LDLRAD3: variants seen among roughly 807,000 people sequenced by gnomAD.
LDLRAD3 encodes low density lipoprotein receptor class A domain containing 3, also known as low-density lipoprotein receptor class A domain-containing protein 3.
In LDLRAD3, 20 loss-of-function variants were observed where a neutral mutation model predicts 29.4. The observed-to-expected ratio is 0.68, with a 90% CI of 0.48 to 0.99. The LOEUF is 0.99. Among genes scored for constraint, LDLRAD3 ranks in the 50% least tolerant of loss-of-function variants. LDLRAD3 has a pLI of 0.00. For missense variants in LDLRAD3, 420 were observed against 454.3 expected, an observed-to-expected ratio of 0.92 and a Z score of 0.69; for synonymous variants, 157 against 192.7, an observed-to-expected ratio of 0.81 and a Z score of 1.53.
At position 35,944,839 on chromosome 11, in the gene LDLRAD3, G is replaced by T. The variant is rs895812104; in HGVS notation, c.46+695G>T. ...GCGAGGGGCCCTGGGAGAGGACACG[G>T]GGCTTCATCCGGCGGCCCTTTGAAC... On this transcript the variant is annotated intron_variant, in intron 1 of 5. Coordinates refer to ENST00000315571, the MANE Select transcript of LDLRAD3 (RefSeq NM_174902.4). This position sits in a 1 kb window ranked among gnomAD's most constrained non-coding sequence, Gnocchi z 4.9. Among the ~76,000 whole-genome samples the T allele has an allele frequency of 6.6e-6, 1 of 152,260 alleles. No individual in the cohort carries two copies. The highest frequency in any genetic ancestry group is 1.5e-5 in the Non-Finnish European group (1 of 68,050).
intron 1 of LDLRAD3, among the ~76,000 whole-genome samples, chr11:35,965,154 G>C (rs1434594888): frequency 6.6e-6 from 1 of 152,052 alleles, no homozygotes; most frequent in Non-Finnish European, 1.5e-5. Context: ...TTGATGTTGA[G>C]TCACCCGCTT....
At chr11:35,987,920 C>A (rs1305662468) in intron 1 of LDLRAD3, among the ~76,000 whole-genome samples, 2 of 152,194 alleles carry the variant, frequency 1.3e-5, no homozygotes. Flanking sequence ...CACAGCCTCA[C>A]CAGCATCTGT....
intron 2 of LDLRAD3, among the ~76,000 whole-genome samples, chr11:36,077,280 C>T (rs976235988): frequency 1.3e-5 from 2 of 152,178 alleles, no homozygotes; most frequent in African/African-American, 4.8e-5. Flanking sequence ...TAAGCCAATA[C>T]ATGTATGTTT....
chr11:35,957,873 T>G (rs1851225424), intron 1 of LDLRAD3, among the ~76,000 whole-genome samples: 1 of 150,176 alleles, frequency 6.7e-6, no homozygotes, highest in South Asian at 2.1e-4. Flanking sequence ...AAGTGGGTGA[T>G]TCTAATATGT....
At chr11:35,958,821 A>G (rs1333180085) in intron 1 of LDLRAD3, among the ~76,000 whole-genome samples, 2 of 152,098 alleles carry the variant, frequency 1.3e-5, no homozygotes, top group Non-Finnish European at 2.9e-5. Flanking sequence ...GGGGGTGGAA[A>G]AAAGACTGAA....
chr11:36,121,030 T>C (rs10768182), intron 4 of LDLRAD3, among the ~76,000 whole-genome samples: 66,039 of 151,988 alleles, frequency 0.43, 15,182 homozygotes, highest in Admixed American at 0.51. Flanking sequence ...GTTGTTCACC[T>C]GGTCCATGGT....
At chr11:36,081,851 C>A in intron 3 of LDLRAD3, 73 bp downstream of exon 3, 1 of 1,571,576 alleles carries the variant, frequency 6.4e-7, no homozygotes, top group Non-Finnish European at 8.7e-7. Flanking sequence ...CATTGGTCAC[C>A]CTCATCATGT....
rs377633855 is a variant in LDLRAD3 at position 36,056,246 on chromosome 11, G to A, written c.193+19997G>A. Among the ~76,000 whole-genome samples, 154 of 152,214 alleles carry A rather than the reference G, an allele frequency of 1.0e-3. 1 individual carries two copies. In the East Asian group the frequency reaches 0.023, roughly 22 times the overall value. On this transcript the variant is annotated intron_variant, in intron 2 of 5. Transcript: ENST00000315571. ...CTGACTTTGTGATCCACCCGCCGCG[G>A]CCTCCCAAAGTGCTGGGTTTACAGG... is the stretch of plus-strand genomic sequence containing the variant.
intron 4 of LDLRAD3, among the ~76,000 whole-genome samples, chr11:36,132,396 A>G (rs560553808): frequency 1.7e-4 from 26 of 152,312 alleles, no homozygotes; most frequent in South Asian, 8.3e-4. Context: ...ATCTAATAAG[A>G]GCAATAATGC....
Position 36,227,160 on chromosome 11 carries a change from T to G in LDLRAD3, c.530T>G (p.Ile177Ser), listed in dbSNP as rs941653541. ...TACCCCAGCATCACCTATGCCATCA[T>G]CGGCAGCTCCGTCATTTTTGTGCTG... Reference protein sequence around the residue: ...VYYPSITYAIIGSSVIFVLVV... With the variant: ...VYYPSITYAISGSSVIFVLVV... Residue 177 changes from isoleucine to serine, a missense_variant, in exon 5 of 6, where the codon ATC (isoleucine) becomes AGC (serine). Physicochemically the swap from Ile to Ser is moderately radical, Grantham distance 142 (BLOSUM62 -2). Around this residue, in one of 3 missense-constraint regions of LDLRAD3, gnomAD observed 56 missense variants for 92.2 expected, o/e 0.61. Transcript: ENST00000315571. 2 of 1,614,160 alleles carry G rather than the reference T, an allele frequency of 1.2e-6. No individual in the cohort carries two copies. The highest frequency in any genetic ancestry group is 2.7e-5 in the African/African-American group (2 of 75,056).
chr11:36,156,583 C>T (rs1590316694), intron 4 of LDLRAD3, among the ~76,000 whole-genome samples: 1 of 152,236 alleles, frequency 6.6e-6, no homozygotes, highest in Non-Finnish European at 1.5e-5. Flanking sequence ...TGTTTACCCA[C>T]ACACAGCCTT....
At chr11:36,085,106 ATTC>A (rs1853175701) in intron 3 of LDLRAD3, among the ~76,000 whole-genome samples, 2 of 152,174 alleles carry the variant, frequency 1.3e-5, no homozygotes, top group South Asian at 2.1e-4. Context: ...TCCTTTAGCA[ATTC>A]TTCTGAAGTT....
rs1282326328 is a variant in LDLRAD3, at chr11:36,229,831, AC to A, written c.*436del. The A allele has an allele frequency of 6.3e-6, 1 of 159,300 alleles. No homozygotes were observed. The highest frequency in any genetic ancestry group is 2.4e-5 in the African/African-American group (1 of 41,700). 9.9% of individuals were successfully genotyped at this position (159,300 alleles called of 1,614,324 possible). On this transcript the variant is annotated 3_prime_UTR_variant, in exon 6 of 6. Coordinates refer to ENST00000315571, the MANE Select transcript of LDLRAD3 (RefSeq NM_174902.4). ...TTGGGGATTTGGGTTAGATGATCTA[AC>A]CAGGAGGCCATCACTGGATGGTCAC...
At chr11:36,186,282 C>T (rs1854847139) in intron 4 of LDLRAD3, among the ~76,000 whole-genome samples, 1 of 152,148 alleles carries the variant, frequency 6.6e-6, no homozygotes, top group Non-Finnish European at 1.5e-5. Flanking sequence ...GAGTATAATG[C>T]TTGACATGTA....
chr11:36,230,016 C>T lies in LDLRAD3; in HGVS notation c.*619C>T, dbSNP rs1855555149. The T allele has an allele frequency of 6.6e-6, 1 of 152,306 alleles. No homozygotes were observed. The highest frequency in any genetic ancestry group is 1.5e-5 in the Non-Finnish European group (1 of 68,110). The allele number at this position is 152,306 out of a possible 1,614,324, so 9.4% of individuals were successfully genotyped here. On this transcript the variant is annotated 3_prime_UTR_variant, in exon 6 of 6. Coordinates refer to ENST00000315571, the MANE Select transcript of LDLRAD3 (RefSeq NM_174902.4). ...TTTGGTTTTGTGAAGGACTCTGAAA[C>T]CATCTACCCTGTATAAATTCTGGCT... is the stretch of plus-strand genomic sequence containing the variant.
chr11:36,144,622 C>T (rs1300362075), intron 4 of LDLRAD3, among the ~76,000 whole-genome samples: 1 of 137,208 alleles, frequency 7.3e-6, no homozygotes, highest in African/African-American at 2.8e-5. Context: ...GCAACTGCCC[C>T]GTCTGAGAAG....
chr11:36,074,669 G>T (rs1590245269), intron 2 of LDLRAD3, among the ~76,000 whole-genome samples: 1 of 152,182 alleles, frequency 6.6e-6, no homozygotes, highest in Admixed American at 6.5e-5. Context: ...GAGGCTTGAG[G>T]AAACACTCTC....
rs542633670 is a variant in LDLRAD3, at chr11:36,060,190, T to TA, written c.194-21458dup. Reference sequence around the variant, plus strand: ...TAACACTGTGACATTCCATCTCTACTAAAAATACAAAAAACTAGCTGGGCA... The same window carrying TA: ...TAACACTGTGACATTCCATCTCTACTAAAAAATACAAAAAACTAGCTGGGCA... On this transcript the variant is annotated intron_variant, in intron 2 of 5. Transcript: ENST00000315571. Among the ~76,000 whole-genome samples the TA allele has an allele frequency of 3.3e-3, 498 of 151,910 alleles. 2 individuals are homozygous for TA. Among genetic ancestry groups the TA allele is most frequent in the African/African-American group, 0.012 (484 of 41,436 alleles).
intron 4 of LDLRAD3, among the ~76,000 whole-genome samples, chr11:36,151,617 T>G (rs1013358583): frequency 2.0e-5 from 3 of 152,102 alleles, no homozygotes; most frequent in African/African-American, 7.2e-5. Context: ...CTAAGTTCCG[T>G]GAGGGCGGGA....
Sources: allele counts gnomAD v4.1 joint callset (sites outside exome capture counted in the v4.1 genomes callset), GRCh38; gene constraint gnomAD v4.1.1; regional missense constraint gnomAD v4.1.1; non-coding constraint Gnocchi (gnomAD v3.1); transcripts MANE v1.5; gene names NCBI Gene and HGNC (gene_info 2026-07-23, HGNC 2026-07-21).